The following COLEC10 variants were observed in gnomAD, a reference collection of about 807,000 sequenced individuals.
COLEC10 encodes collectin-10.
Under a neutral mutation model 28.4 loss-of-function variants are expected in COLEC10, and 22 were observed. The ratio of observed to expected loss-of-function variants is 0.78; its 90% CI spans 0.55 to 1.11. The LOEUF (loss-of-function observed/expected upper bound fraction) is 1.11, where lower values mean the gene tolerates loss of function less well. Ranked by LOEUF, COLEC10 falls within the 50% of genes least tolerant of loss-of-function variation. The pLI, the probability that COLEC10 is intolerant of heterozygous loss-of-function variation, is 0.00. For missense variants in COLEC10, 361 were observed against 344.1 expected, an observed-to-expected ratio of 1.05 and a Z score of -0.39; for synonymous variants, 125 against 116.1, an observed-to-expected ratio of 1.08 and a Z score of -0.49.
rs182797502 is a variant in COLEC10, at chr8:119,047,216, G to A, written n.235+37663G>A. ...AAATAAAAGCGTATTTGTATCTGTA[G>A]AAGGTAAACAATTTGAGTACATCTG... is the stretch of plus-strand genomic sequence containing the variant. On this transcript the variant is annotated intron_variant and non_coding_transcript_variant, in intron 2 of 6. Transcript: ENST00000521788. 3.9e-5 allele frequency among the ~76,000 whole-genome samples: 6 copies of A among 152,314 alleles called. No homozygotes were observed. The East Asian group carries it at 1.2e-3, about 29-fold the overall frequency.
the COLEC10 span, among the ~76,000 whole-genome samples, chr8:118,957,074 G>T: frequency 5.3e-5 from 8 of 152,262 alleles, no homozygotes; most frequent in South Asian, 1.7e-3. Context: ...GGGGAGTGAA[G>T]TGCCTTAACA....
At chr8:119,003,280 A>G (rs1279430252) in intron 1 of COLEC10, among the ~76,000 whole-genome samples, 1 of 152,108 alleles carries the variant, frequency 6.6e-6, no homozygotes, top group East Asian at 1.9e-4. Flanking sequence ...TGAAGATGCA[A>G]TGTCAGAAAC....
At chr8:119,090,639 C>T (rs1013196330) in intron 2 of COLEC10, among the ~76,000 whole-genome samples, 8 of 152,138 alleles carry the variant, frequency 5.3e-5, no homozygotes, top group African/African-American at 1.9e-4. Context: ...TCAGTGATTC[C>T]TAACCATAGT....
At chr8:119,015,349 G>A (rs1437513728) in intron 2 of COLEC10, among the ~76,000 whole-genome samples, 5 of 150,848 alleles carry the variant, frequency 3.3e-5, no homozygotes, top group African/African-American at 9.9e-5. Context: ...GGCTGGTGTG[G>A]GCTGGAGTTT....
intron 1 of COLEC10, among the ~76,000 whole-genome samples, chr8:119,003,928 C>T (rs1474580849): frequency 5.3e-5 from 8 of 152,094 alleles, no homozygotes; most frequent in Admixed American, 4.6e-4. Context: ...CTCAATATCC[C>T]AGTGCATTTA....
intron 1 of COLEC10, among the ~76,000 whole-genome samples, chr8:119,007,733 T>C (rs935247531): frequency 2.6e-5 from 4 of 150,986 alleles, no homozygotes; most frequent in Non-Finnish European, 4.4e-5. Flanking sequence ...CAGTAGTTTA[T>C]TACATCAAAA....
chr8:118,958,988 A>G, the COLEC10 span, among the ~76,000 whole-genome samples: 2 of 152,206 alleles, frequency 1.3e-5, no homozygotes, highest in Non-Finnish European at 2.9e-5. Context: ...CCAGAATCTC[A>G]AAGAGATATT....
Position 119,106,071 on chromosome 8 carries a change from A to T in COLEC10, c.714A>T (p.Glu238Asp), listed in dbSNP as rs151148307. 9.3e-6 allele frequency: 15 copies of T among 1,613,870 alleles called. No homozygotes were observed. The East Asian group carries it at 1.8e-4, about 19-fold the overall frequency. Residue 238 changes from glutamate (E) to aspartate (D), a missense_variant, in exon 6 of 6, where the codon GAA (glutamate) becomes GAT (aspartate). Coordinates refer to ENST00000332843, the MANE Select transcript of COLEC10 (RefSeq NM_006438.5). Reference sequence around the variant, plus strand: ...ACTATAGCAACTGGAATGAGGGGGAACCCAGCGACCCCTATGGTCATGAGG... The same window carrying T: ...ACTATAGCAACTGGAATGAGGGGGATCCCAGCGACCCCTATGGTCATGAGG... The part of the protein sequence containing the change: ...LQNYSNWNEG[E>D]PSDPYGHEDC...
intron 3 of COLEC10, among the ~76,000 whole-genome samples, chr8:119,099,682 A>C (rs1413587802): frequency 6.6e-6 from 1 of 152,172 alleles, no homozygotes; most frequent in Non-Finnish European, 1.5e-5. Context: ...TTCTCAGAAA[A>C]AAAGACCACA....
the COLEC10 span, among the ~76,000 whole-genome samples, chr8:118,964,871 A>G: frequency 6.6e-6 from 1 of 152,176 alleles, no homozygotes; most frequent in East Asian, 1.9e-4. Flanking sequence ...GAACTAATGG[A>G]TGAGAGGCAG....
the COLEC10 span, among the ~76,000 whole-genome samples, chr8:118,981,140 G>C: frequency 6.6e-6 from 1 of 152,120 alleles, no homozygotes; most frequent in Non-Finnish European, 1.5e-5. Flanking sequence ...GCCTGGCTAA[G>C]CTCTTCTGTG....
chr8:119,037,988 T>A (rs1814420996), intron 2 of COLEC10, among the ~76,000 whole-genome samples: 1 of 152,230 alleles, frequency 6.6e-6, no homozygotes, highest in South Asian at 2.1e-4. Flanking sequence ...GTTTGACACA[T>A]AATAGAGGCT....
the COLEC10 span, among the ~76,000 whole-genome samples, chr8:118,984,329 C>T: frequency 6.6e-6 from 1 of 151,952 alleles, no homozygotes; most frequent in Non-Finnish European, 1.5e-5. Context: ...CTGAGGCCTA[C>T]TTGAGGGTAC....
intron 2 of COLEC10, among the ~76,000 whole-genome samples, chr8:119,058,922 G>T (rs1221917188): frequency 6.6e-6 from 1 of 151,938 alleles, no homozygotes. Context: ...TCAGCAAACA[G>T]TATTGTCACA....
intron 2 of COLEC10, among the ~76,000 whole-genome samples, chr8:119,058,391 G>A (rs1814798952): frequency 6.6e-6 from 1 of 151,964 alleles, no homozygotes. Context: ...CACTTCAACA[G>A]TCCCATTGTG....
intron 2 of COLEC10, among the ~76,000 whole-genome samples, chr8:119,019,150 C>A (rs576328311): frequency 1.3e-5 from 2 of 152,278 alleles, no homozygotes; most frequent in African/African-American, 4.8e-5. Context: ...CTGTAAGTGT[C>A]ATAAACAGAT....
intron 1 of COLEC10, among the ~76,000 whole-genome samples, chr8:119,072,491 G>A (rs1199490275): frequency 6.6e-6 from 1 of 152,108 alleles, no homozygotes; most frequent in Non-Finnish European, 1.5e-5. Flanking sequence ...AACAGATGAA[G>A]GAATTGAGGT....
At chr8:119,011,389 A>G (rs1299250221) in intron 2 of COLEC10, among the ~76,000 whole-genome samples, 3 of 150,884 alleles carry the variant, frequency 2.0e-5, no homozygotes, top group Admixed American at 1.3e-4. Flanking sequence ...TAGCTTTAGA[A>G]TAAGTCCTTG....
rs142434887 is a variant in COLEC10, at chr8:118,996,367, A to G, written n.122+794A>G. The stretch of plus-strand genomic sequence containing the variant: ...GAGATCTTGATTTAAATCATTTTGG[A>G]TAAATACCTAGAACTAGGATCATTG... On this transcript the variant is annotated intron_variant and non_coding_transcript_variant, in intron 1 of 6. Transcript: ENST00000521788. Among the ~76,000 whole-genome samples the G allele has an allele frequency of 8.6e-3, 1,309 of 152,258 alleles. 17 individuals carry two copies. Among genetic ancestry groups the G allele is most frequent in the African/African-American group, 0.029 (1,187 of 41,560 alleles).
Sources: allele counts gnomAD v4.1 joint callset (sites outside exome capture counted in the v4.1 genomes callset), GRCh38; gene constraint gnomAD v4.1.1; transcripts MANE v1.5; gene names NCBI Gene and HGNC (gene_info 2026-07-23, HGNC 2026-07-21).